SEMA3D: variants seen among roughly 807,000 people sequenced by gnomAD.
The protein encoded by SEMA3D is semaphorin 3D.
SEMA3D carries 84 observed loss-of-function variants against 100.1 expected under a neutral mutation model. The observed-to-expected ratio is 0.84, with a 90% confidence interval of 0.70 to 1.01. SEMA3D has a LOEUF of 1.01. Ranked by LOEUF, SEMA3D falls within the 50% of genes least tolerant of loss-of-function variation. The pLI is 0.00. For synonymous variants in SEMA3D, 312 were observed against 320.7 expected (o/e 0.97, Z 0.29); for missense variants, 875 against 934.1 (o/e 0.94, Z 0.82).
At chr7:85,005,673 G>A (rs1228453239) in intron 18 of SEMA3D, among the ~76,000 whole-genome samples, 1 of 151,912 alleles carries the variant, frequency 6.6e-6, no homozygotes, top group East Asian at 1.9e-4. Context: ...CACGTTTGGA[G>A]TGAGATTTTT....
At chr7:85,127,798 A>G (rs1789608041) in intron 2 of SEMA3D, among the ~76,000 whole-genome samples, 1 of 152,138 alleles carries the variant, frequency 6.6e-6, no homozygotes, top group Non-Finnish European at 1.5e-5. Context: ...TTCAAATCAG[A>G]TTAATCGACA....
At chr7:85,150,156 C>T (rs1047673898) in intron 2 of SEMA3D, among the ~76,000 whole-genome samples, 83 of 150,920 alleles carry the variant, frequency 5.5e-4, no homozygotes, top group Admixed American at 2.0e-3. Flanking sequence ...ACATGTAAAA[C>T]TTTTTTTTGT....
At chr7:85,170,627 G>T (rs996797830) in intron 1 of SEMA3D, among the ~76,000 whole-genome samples, 1 of 151,876 alleles carries the variant, frequency 6.6e-6, no homozygotes, top group East Asian at 1.9e-4. Context: ...AATTTCTCTG[G>T]TATTCTTCTT....
chr7:85,039,969 C>T (rs1032916383), intron 11 of SEMA3D, among the ~76,000 whole-genome samples: 25 of 90,628 alleles, frequency 2.8e-4, no homozygotes, highest in African/African-American at 1.1e-3. Flanking sequence ...TACGCAAACA[C>T]TTTTTTTTTT....
At chr7:85,147,672 C>T (rs1790256262) in intron 2 of SEMA3D, among the ~76,000 whole-genome samples, 1 of 151,926 alleles carries the variant, frequency 6.6e-6, no homozygotes, top group Non-Finnish European at 1.5e-5. Context: ...TTTCAAGTAC[C>T]TTATTATTTA....
At chr7:85,082,577 T>C (rs544560772) in intron 4 of SEMA3D, among the ~76,000 whole-genome samples, 11 of 152,236 alleles carry the variant, frequency 7.2e-5, no homozygotes, top group African/African-American at 2.4e-4. Flanking sequence ...TCACCAATGG[T>C]AGCAGAAAAT....
chr7:85,141,142 GA>G, intron 2 of SEMA3D: 1 of 984,376 alleles, frequency 1.0e-6, no homozygotes, highest in Non-Finnish European at 1.2e-6. Flanking sequence ...TGTCCAATTT[GA>G]CGTCTAATTC....
At chr7:85,188,446 A>T (rs1056385274), upstream of SEMA3D, among the ~76,000 whole-genome samples, 2 of 152,150 alleles carry the variant, frequency 1.3e-5, no homozygotes, top group Admixed American at 6.5e-5. Context: ...TTTATATTTA[A>T]TGTTATACCA....
chr7:85,012,727 A>T (rs1417417644), intron 17 of SEMA3D, 55 bp downstream of exon 17: 1 of 1,313,288 alleles, frequency 7.6e-7, no homozygotes, highest in East Asian at 2.3e-5. Context: ...AAAAGATACA[A>T]AGAGTGGGCT....
At chr7:85,058,680 G>A (rs1176856522) in intron 8 of SEMA3D, among the ~76,000 whole-genome samples, 2 of 147,780 alleles carry the variant, frequency 1.4e-5, no homozygotes, top group Non-Finnish European at 3.0e-5. Context: ...CCCGGGAGGC[G>A]CAGCTTGCAG....
chr7:85,188,050 G>C (rs922094946), upstream of SEMA3D, among the ~76,000 whole-genome samples: 1 of 152,162 alleles, frequency 6.6e-6, no homozygotes, highest in African/African-American at 2.4e-5. Flanking sequence ...CAAGGTGTAG[G>C]GTCCCAAAGC....
rs932137770 is a variant in SEMA3D at position 84,995,971 on chromosome 7, A to G, written c.*3469T>C. On this transcript the variant is annotated 3_prime_UTR_variant, in exon 19 of 19. Coordinates refer to ENST00000284136, the MANE Select transcript of SEMA3D (RefSeq NM_001384900.1). The stretch of plus-strand genomic sequence containing the variant: ...ATACATCTCCTATAAAAACACTTCA[A>G]ATATCTTTTTTTTTTTTTGGTTTGT... 9.2e-5 allele frequency: 14 copies of G among 151,900 alleles called. No homozygotes were observed. Among genetic ancestry groups the G allele is most frequent in the African/African-American group, 2.9e-4 (12 of 41,458 alleles). 9.4% of individuals were successfully genotyped at this position (151,900 alleles called of 1,614,324 possible).
chr7:85,110,461 C>T (rs1177939042), intron 3 of SEMA3D, among the ~76,000 whole-genome samples: 1 of 151,900 alleles, frequency 6.6e-6, no homozygotes, highest in African/African-American at 2.4e-5. Context: ...ATCTCCTAAA[C>T]ATATATAGTG....
At chr7:85,051,644 C>T (rs1437252615) in intron 9 of SEMA3D, among the ~76,000 whole-genome samples, 1 of 151,894 alleles carries the variant, frequency 6.6e-6, no homozygotes, top group East Asian at 1.9e-4. Context: ...TTTATGAGTC[C>T]AGAGACTACT....
chr7:85,199,858 A>G, the SEMA3D span, among the ~76,000 whole-genome samples: 6 of 152,052 alleles, frequency 3.9e-5, no homozygotes, highest in Admixed American at 3.3e-4. Flanking sequence ...CATGGTAGGA[A>G]CTCAATGGGA....
At chr7:85,141,887 G>A in intron 2 of SEMA3D, 1 of 958,240 alleles carries the variant, frequency 1.0e-6, no homozygotes, top group Non-Finnish European at 1.2e-6. Context: ...AGACCTTCTT[G>A]GAGTAAATTT....
chr7:85,165,001 C>G (rs544593434), intron 1 of SEMA3D, among the ~76,000 whole-genome samples: 1 of 87,688 alleles, frequency 1.1e-5, no homozygotes, highest in Admixed American at 1.1e-4. Context: ...CCCCTTCCCC[C>G]CACCCCACAA....
At chr7:85,117,730 G>A (rs1303156894) in intron 3 of SEMA3D, among the ~76,000 whole-genome samples, 1 of 151,932 alleles carries the variant, frequency 6.6e-6, no homozygotes, top group African/African-American at 2.4e-5. Flanking sequence ...CCAAGATCTT[G>A]CCACTGTACT....
At chr7:85,111,012 C>A (rs1354455143) in intron 3 of SEMA3D, among the ~76,000 whole-genome samples, 1 of 151,972 alleles carries the variant, frequency 6.6e-6, no homozygotes, top group African/African-American at 2.4e-5. Context: ...ACTTTGACAC[C>A]ACTGATTATC....
Sources: gnomAD v4.1 joint callset for allele counts (sites outside exome capture counted in the v4.1 genomes callset) on GRCh38, gnomAD v4.1.1 for gene constraint, MANE v1.5 for transcripts, NCBI Gene and HGNC (gene_info 2026-07-23, HGNC 2026-07-21) for gene names.